CBR4: variants seen among roughly 807,000 people sequenced by gnomAD.
CBR4 encodes the protein 3-oxoacyl-[acyl-carrier-protein] reductase.
Under a neutral mutation model 21.0 loss-of-function variants are expected in CBR4, and 22 were observed. That is an observed-to-expected ratio of 1.05 (90% CI 0.75 to 1.50). The LOEUF (loss-of-function observed/expected upper bound fraction) is 1.50, where lower values mean the gene tolerates loss of function less well. Among genes scored for constraint, CBR4 ranks in the 40% most tolerant of loss-of-function variants. CBR4 has a pLI of 0.00. For missense variants in CBR4, 302 were observed against 286.3 expected, an observed-to-expected ratio of 1.05 and a Z score of -0.40; for synonymous variants, 100 against 104.4, an observed-to-expected ratio of 0.96 and a Z score of 0.26.
intron 2 of CBR4, among the ~76,000 whole-genome samples, chr4:168,909,576 TC>T (rs1296769234): frequency 6.6e-6 from 1 of 152,194 alleles, no homozygotes; most frequent in African/African-American, 2.4e-5. Flanking sequence ...TTATAAGGTT[TC>T]CTGGCTCATT....
chr4:168,923,907 G>A (rs1762070094), intron 2 of CBR4, among the ~76,000 whole-genome samples: 1 of 131,748 alleles, frequency 7.6e-6, no homozygotes, highest in Non-Finnish European at 1.7e-5. Context: ...GGTTGAGGCT[G>A]TGAATGATCG....
At chr4:168,955,384 T>A (rs1763655490) in intron 2 of CBR4, among the ~76,000 whole-genome samples, 1 of 152,358 alleles carries the variant, frequency 6.6e-6, no homozygotes, top group East Asian at 1.9e-4. Context: ...ATATAACTGA[T>A]AAATAGAAAA....
At chr4:168,990,636 G>C (rs1168469411) in intron 4 of CBR4, among the ~76,000 whole-genome samples, 2 of 151,796 alleles carry the variant, frequency 1.3e-5, no homozygotes, top group Non-Finnish European at 2.9e-5. Context: ...GGGCCAGGCT[G>C]ATCTCAAACT....
At chr4:168,964,868 G>A (rs1019615058) in intron 2 of CBR4, among the ~76,000 whole-genome samples, 4 of 152,018 alleles carry the variant, frequency 2.6e-5, no homozygotes, top group Non-Finnish European at 5.9e-5. Flanking sequence ...AGACTCTAAG[G>A]CTTATATTTC....
At chr4:168,964,521 A>G (rs1372428340) in intron 2 of CBR4, among the ~76,000 whole-genome samples, 2 of 152,242 alleles carry the variant, frequency 1.3e-5, no homozygotes, top group Admixed American at 6.5e-5. Context: ...GTCATAGAAT[A>G]GTATGCAATA....
chr4:168,986,003 T>C (rs538275542), downstream of CBR4, among the ~76,000 whole-genome samples: 32 of 148,308 alleles, frequency 2.2e-4, no homozygotes, highest in South Asian at 1.7e-3. Context: ...ACCAAACCCC[T>C]GTGACATGTA....
intron 2 of CBR4, among the ~76,000 whole-genome samples, chr4:168,900,802 T>C (rs1756346295): frequency 1.3e-5 from 2 of 152,236 alleles, no homozygotes; most frequent in Non-Finnish European, 2.9e-5. Context: ...ATTCACAACA[T>C]GTTATCAAAC....
At chr4:168,919,522 T>TAA (rs1209353195) in intron 2 of CBR4, among the ~76,000 whole-genome samples, 16 of 124,526 alleles carry the variant, frequency 1.3e-4, no homozygotes, top group African/African-American at 2.4e-4. Context: ...AAGACTGTCT[T>TAA]AAAAAAAAAA....
At chr4:168,932,318 C>CTTG (rs1762993517) in intron 2 of CBR4, among the ~76,000 whole-genome samples, 1 of 149,982 alleles carries the variant, frequency 6.7e-6, no homozygotes, top group Admixed American at 6.6e-5. Flanking sequence ...TCAAGAGCTT[C>CTTG]AACAACAGAT....
chr4:168,898,684 A>G lies in CBR4; in HGVS notation n.170-3919T>C, dbSNP rs113676921. The G allele has an allele frequency of 4.3e-3, 7,011 of 1,613,850 alleles. 29 individuals are homozygous for G. Among genetic ancestry groups the G allele is most frequent in the Non-Finnish European group, 5.5e-3 (6,454 of 1,179,700 alleles). On this transcript the variant is annotated intron_variant and non_coding_transcript_variant, in intron 2 of 3. Transcript: ENST00000509108. ...TTGAGGGAATGCCAGTAACTTTCAC[A>G]TGTAGAGTGGCTGGAAATCCAAAGC...
intron 2 of CBR4, among the ~76,000 whole-genome samples, chr4:168,920,797 A>T (rs1761319474): frequency 6.6e-6 from 1 of 152,212 alleles, no homozygotes; most frequent in Non-Finnish European, 1.5e-5. Context: ...CTGTGTGCTG[A>T]CGAATGCATT....
Position 168,957,956 on chromosome 4 carries a change from C to T in CBR4, n.169+44115G>A, listed in dbSNP as rs552971297. On this transcript the variant is annotated intron_variant and non_coding_transcript_variant, in intron 2 of 3. Transcript: ENST00000509108. ...CTGCCACCATGTGAAGAAGGACATG[C>T]TTGCCATGCTTCCCCTCTGTAAGTT... 1.2e-4 allele frequency among the ~76,000 whole-genome samples: 19 copies of T among 152,288 alleles called. 1 individual carries two copies. In the South Asian group the frequency reaches 3.9e-3, roughly 32 times the overall value.
At chr4:168,926,407 G>A (rs1762585701) in intron 2 of CBR4, 1 of 1,509,422 alleles carries the variant, frequency 6.6e-7, no homozygotes, top group Non-Finnish European at 8.9e-7. Flanking sequence ...TGTTAAAGCT[G>A]AAACACTGAA....
intron 2 of CBR4, among the ~76,000 whole-genome samples, chr4:168,948,225 G>A (rs1201935335): frequency 6.6e-6 from 1 of 152,054 alleles, no homozygotes; most frequent in Non-Finnish European, 1.5e-5. Context: ...TGATGGGACT[G>A]TTTGTTTTTA....
chr4:169,006,864 A>C lies in CBR4; in HGVS notation c.291T>G (p.Thr97=), dbSNP rs756780025. 8 of 1,612,946 alleles carry C rather than the reference A, an allele frequency of 5.0e-6. No individual in the cohort carries two copies. The highest frequency in any genetic ancestry group is 2.2e-5 in the South Asian group (2 of 91,062). The change falls in exon 3 of 5, where the codon ACT becomes ACG. Residue 97 remains threonine (T), a synonymous_variant. Transcript: ENST00000306193. ...NRDGLLVRTK[T]EDMVSQLHTN... is the part of the protein sequence containing the mutation. The stretch of plus-strand genomic sequence containing the variant: ...TATGAAGCTGAGATACCATATCTTC[A>C]GTTTTTGTTCTTACTAAAAGACCAT...
intron 2 of CBR4, among the ~76,000 whole-genome samples, chr4:168,947,030 A>T (rs1311110617): frequency 6.6e-6 from 1 of 152,176 alleles, no homozygotes; most frequent in Non-Finnish European, 1.5e-5. Flanking sequence ...AACAATCTTG[A>T]AATTATCATC....
At chr4:168,902,632 G>A (rs1756774010) in intron 2 of CBR4, among the ~76,000 whole-genome samples, 2 of 152,110 alleles carry the variant, frequency 1.3e-5, no homozygotes. Context: ...CTGGGCAACG[G>A]AGCGAGACCC....
chr4:168,977,363 T>G (rs1560974280), intron 2 of CBR4, among the ~76,000 whole-genome samples: 1 of 152,194 alleles, frequency 6.6e-6, no homozygotes, highest in Non-Finnish European at 1.5e-5. Flanking sequence ...TTCTCCTGAT[T>G]TTCTACTTAC....
chr4:168,968,131 T>C (rs1301500958), intron 2 of CBR4, among the ~76,000 whole-genome samples: 1 of 152,206 alleles, frequency 6.6e-6, no homozygotes, highest in African/African-American at 2.4e-5. Context: ...AAGTCATCAT[T>C]TGAGGTTGGT....
Sources: gnomAD v4.1 joint callset for allele counts (sites outside exome capture counted in the v4.1 genomes callset) on GRCh38, gnomAD v4.1.1 for gene constraint, MANE v1.5 for transcripts, NCBI Gene and HGNC (gene_info 2026-07-23, HGNC 2026-07-21) for gene names.